The following RASGRF2 variants were observed in gnomAD, a reference collection of about 807,000 sequenced individuals.
RASGRF2 encodes the protein Ras protein specific guanine nucleotide releasing factor 2.
In RASGRF2, 76 loss-of-function variants were observed where a neutral mutation model predicts 151.0. The observed-to-expected ratio is 0.50, with a 90% CI of 0.42 to 0.61. RASGRF2 has a LOEUF of 0.61. Among genes scored for constraint, RASGRF2 ranks in the 20% least tolerant of loss-of-function variants. The pLI is 0.00. For synonymous variants in RASGRF2, 504 were observed against 566.5 expected (o/e 0.89, Z 1.57); for missense variants, 1,148 against 1,564.6 (o/e 0.73, Z 4.49).
At chr5:81,057,669 A>G (rs1751269449) in intron 2 of RASGRF2, among the ~76,000 whole-genome samples, 1 of 152,114 alleles carries the variant, frequency 6.6e-6, no homozygotes, top group Non-Finnish European at 1.5e-5. Context: ...CAGCTTAAAC[A>G]TTTATTATTT....
At chr5:81,171,979 C>T (rs4144527) in intron 17 of RASGRF2, among the ~76,000 whole-genome samples, 131,187 of 152,134 alleles carry the variant, frequency 0.86, 56,793 homozygotes, top group African/African-American at 0.93. Flanking sequence ...TTACATAGAA[C>T]CAACAGGAAC....
At position 81,109,033 on chromosome 5, in the gene RASGRF2, T is replaced by C. The variant is rs1344810488; in HGVS notation, c.1793T>C (p.Ile598Thr). Residue 598 changes from isoleucine (I) to threonine (T), a missense_variant, in exon 13 of 27, where the codon ATA becomes ACA. Around this residue, in one of 5 missense-constraint regions of RASGRF2, gnomAD observed 646 missense variants for 807.4 expected, o/e 0.80. Coordinates refer to ENST00000265080, the MANE Select transcript of RASGRF2 (RefSeq NM_006909.3). ...ATACGATGTAATGGTTTAATGACTATAGTGTTTGAAGAGAATTCCAAAGTC... is the reference window on the plus strand; with the variant it reads ...ATACGATGTAATGGTTTAATGACTACAGTGTTTGAAGAGAATTCCAAAGTC... ...DNIRCNGLMT[I>T]VFEENSKVTV... is the part of the protein sequence containing the mutation. 3 of 1,611,844 alleles carry C rather than the reference T, an allele frequency of 1.9e-6. No individual in the cohort carries two copies. Among genetic ancestry groups the C allele is most frequent in the Non-Finnish European group, 1.7e-6 (2 of 1,178,114 alleles).
chr5:81,183,284 C>T (rs749457878), intron 18 of RASGRF2: 21 of 982,078 alleles, frequency 2.1e-5, no homozygotes, highest in South Asian at 1.9e-4. Context: ...ACAGAGTGTT[C>T]GACATCATCT....
rs559961232 is a variant in RASGRF2, at chr5:81,200,272, T to TA, written c.2794-1041dup. ...GGTGACAGAGAGAGACCCTGTGATT[T>TA]AAAAAAAAAAAAAAAAAGAAGAAGA... On this transcript the variant is annotated intron_variant, in intron 18 of 26. Transcript: ENST00000265080. 7.5e-3 allele frequency among the ~76,000 whole-genome samples: 1,042 copies of TA among 138,312 alleles called. 6 individuals are homozygous for TA. The highest frequency in any genetic ancestry group is 0.02 in the African/African-American group (760 of 37,462). The allele number at this position is 138,312 out of a possible 152,430, so 90.7% of individuals were successfully genotyped here.
chr5:81,143,053 C>T (rs1036450203), intron 17 of RASGRF2, among the ~76,000 whole-genome samples: 8 of 151,862 alleles, frequency 5.3e-5, no homozygotes, highest in East Asian at 1.9e-4. Context: ...ATTTTAAAGA[C>T]GAAAAAATCT....
At chr5:81,046,738 T>C (rs903655265) in intron 2 of RASGRF2, among the ~76,000 whole-genome samples, 2 of 152,186 alleles carry the variant, frequency 1.3e-5, no homozygotes, top group Non-Finnish European at 2.9e-5. Flanking sequence ...GATTTAGTTG[T>C]AGACACTAGG....
chr5:80,988,006 T>TGC (rs1170891848), intron 1 of RASGRF2, among the ~76,000 whole-genome samples: 1 of 125,164 alleles, frequency 8.0e-6, no homozygotes, highest in Non-Finnish European at 1.6e-5. Context: ...GAAATAAATG[T>TGC]GCGTGTGTGT....
chr5:81,005,088 A>G (rs898859412), intron 1 of RASGRF2, among the ~76,000 whole-genome samples: 2 of 152,170 alleles, frequency 1.3e-5, no homozygotes, highest in African/African-American at 4.8e-5. Context: ...CCTATTCTGG[A>G]CATTTCATGT....
intron 1 of RASGRF2, among the ~76,000 whole-genome samples, chr5:81,015,964 A>G (rs1049938213): frequency 1.3e-5 from 2 of 152,226 alleles, no homozygotes; most frequent in Non-Finnish European, 2.9e-5. Context: ...ATGATTACCA[A>G]TATAAACCAG....
chr5:81,031,422 A>G (rs1373348706), intron 1 of RASGRF2, among the ~76,000 whole-genome samples: 2 of 152,222 alleles, frequency 1.3e-5, no homozygotes, highest in Admixed American at 1.3e-4. Flanking sequence ...CAGCAAATGT[A>G]AAAGAAGAGA....
chr5:81,095,091 A>G (rs1752510956), intron 12 of RASGRF2, 99 bp downstream of exon 12: 2 of 904,866 alleles, frequency 2.2e-6, no homozygotes, highest in South Asian at 9.4e-5. Context: ...TTAAAAAATT[A>G]CACTCAGTTG....
At chr5:81,199,338 G>A (rs1232670493) in intron 18 of RASGRF2, among the ~76,000 whole-genome samples, 2 of 152,120 alleles carry the variant, frequency 1.3e-5, no homozygotes, top group Non-Finnish European at 2.9e-5. Context: ...TGCATTTTAG[G>A]CAGAAATACT....
intron 17 of RASGRF2, among the ~76,000 whole-genome samples, chr5:81,174,528 C>A (rs1052552436): frequency 2.0e-5 from 3 of 152,176 alleles, no homozygotes; most frequent in African/African-American, 7.2e-5. Flanking sequence ...CAGAGCAAAG[C>A]AGGCACAGTG....
chr5:80,994,919 A>G (rs1748784893), intron 1 of RASGRF2, among the ~76,000 whole-genome samples: 1 of 152,182 alleles, frequency 6.6e-6, no homozygotes, highest in Non-Finnish European at 1.5e-5. Flanking sequence ...CAGTTGTGTA[A>G]TTACCACCAC....
intron 1 of RASGRF2, among the ~76,000 whole-genome samples, chr5:81,019,882 G>A (rs904964576): frequency 3.3e-5 from 5 of 152,162 alleles, no homozygotes; most frequent in African/African-American, 9.7e-5. Context: ...ACAGAAATGT[G>A]GAAAGGGGAA....
chr5:81,098,370 G>T (rs983728415), intron 12 of RASGRF2, among the ~76,000 whole-genome samples: 1 of 152,174 alleles, frequency 6.6e-6, no homozygotes, highest in Admixed American at 6.5e-5. Context: ...AGCATTTAGA[G>T]AGAGATCCGG....
chr5:81,197,956 C>CT (rs1472930130), intron 18 of RASGRF2, among the ~76,000 whole-genome samples: 1 of 152,030 alleles, frequency 6.6e-6, no homozygotes, highest in African/African-American at 2.4e-5. Context: ...CCTTTTTGTT[C>CT]TTTTTTTCCC....
chr5:81,034,830 G>A (rs1052605055), intron 1 of RASGRF2, among the ~76,000 whole-genome samples: 4 of 149,072 alleles, frequency 2.7e-5, no homozygotes, highest in Non-Finnish European at 4.4e-5. Flanking sequence ...ATAGCATTGG[G>A]AGATATACCT....
intron 1 of RASGRF2, among the ~76,000 whole-genome samples, chr5:80,969,815 CTTTTTTTTTTT>C (rs10584906): frequency 0.27 from 20,777 of 76,920 alleles, 2,243 homozygotes; most frequent in Middle Eastern, 0.45. Flanking sequence ...ACTTCTTCTT[CTTTTTTTTTTT>C]TTTTTTTTTT....
Sources: allele counts gnomAD v4.1 joint callset (sites outside exome capture counted in the v4.1 genomes callset), GRCh38; gene constraint gnomAD v4.1.1; regional missense constraint gnomAD v4.1.1; transcripts MANE v1.5; gene names NCBI Gene and HGNC (gene_info 2026-07-23, HGNC 2026-07-21).